The following PRDM16 variants were observed in gnomAD, a reference collection of about 807,000 sequenced individuals.
PRDM16 encodes the protein PR/SET domain 16.
Under a neutral mutation model 110.6 loss-of-function variants are expected in PRDM16, and 23 were observed. The ratio of observed to expected loss-of-function variants is 0.21; its 90% CI spans 0.15 to 0.29. The LOEUF is 0.29. PRDM16 is among the 10% of genes least tolerant of loss of function. PRDM16 has a pLI of 1.00. For synonymous variants in PRDM16, 799 were observed against 781.8 expected (o/e 1.02, Z -0.37); for missense variants, 1,615 against 1,794.3 (o/e 0.90, Z 1.81).
rs1569917298 is a variant in PRDM16, at chr1:3,246,201, C to T, written c.438+2064C>T. On this transcript the variant is annotated intron_variant, in intron 3 of 16. Transcript: ENST00000270722. This position sits in a 1 kb window ranked among gnomAD's most constrained non-coding sequence, Gnocchi z 5.2. ...TGCCTTTGTGTCTTATATGTGTGGCCATTAGGTCTCGCTCAGTGTGGCCCA... is the reference window on the plus strand; with the variant it reads ...TGCCTTTGTGTCTTATATGTGTGGCTATTAGGTCTCGCTCAGTGTGGCCCA... Among the ~76,000 whole-genome samples the T allele has an allele frequency of 6.6e-6, 1 of 152,296 alleles. No individual in the cohort carries two copies. The highest frequency in any genetic ancestry group is 1.9e-4 in the East Asian group (1 of 5,168).
intron 1 of PRDM16, among the ~76,000 whole-genome samples, chr1:3,184,815 C>A (rs1044128680): frequency 2.0e-5 from 3 of 152,204 alleles, no homozygotes; most frequent in African/African-American, 7.2e-5. Flanking sequence ...TGACCCTCTG[C>A]ATCAGCTTCC....
At chr1:3,329,619 C>T (rs934421215) in intron 3 of PRDM16, among the ~76,000 whole-genome samples, 1 of 152,244 alleles carries the variant, frequency 6.6e-6, no homozygotes, top group Admixed American at 6.5e-5. Flanking sequence ...AAGGAGCTGG[C>T]CCCACAGGTG....
At position 3,265,620 on chromosome 1, in the gene PRDM16, C is replaced by G. The variant is rs1183164072; in HGVS notation, c.438+21483C>G. 6.6e-6 allele frequency among the ~76,000 whole-genome samples: 1 copy of G among 152,068 alleles called. No homozygotes were observed. The highest frequency in any genetic ancestry group is 1.5e-5 in the Non-Finnish European group (1 of 67,982). On this transcript the variant is annotated intron_variant, in intron 3 of 16. Coordinates refer to ENST00000270722, the MANE Select transcript of PRDM16 (RefSeq NM_022114.4). This position sits in a 1 kb window ranked among gnomAD's most constrained non-coding sequence, Gnocchi z 4.5. ...GGAGAAGCAGACCGCAGAGGCCCCT[C>G]TTGGGTCTGGGAGCTCCTAAAATTG...
At chr1:3,298,074 G>A (rs759458850) in intron 3 of PRDM16, among the ~76,000 whole-genome samples, 7 of 152,160 alleles carry the variant, frequency 4.6e-5, no homozygotes, top group African/African-American at 1.4e-4. Flanking sequence ...GCACCAGGGC[G>A]ATGGAAGTTC....
intron 1 of PRDM16, among the ~76,000 whole-genome samples, chr1:3,161,840 G>A (rs1191911426): frequency 6.6e-6 from 1 of 152,256 alleles, no homozygotes; most frequent in Non-Finnish European, 1.5e-5. Context: ...TCTCCATGAG[G>A]ATTTGGACCA....
At chr1:3,259,264 C>T (rs1048475304) in intron 3 of PRDM16, among the ~76,000 whole-genome samples, 1 of 152,178 alleles carries the variant, frequency 6.6e-6, no homozygotes, top group Non-Finnish European at 1.5e-5. Context: ...GCAGAAGATC[C>T]CAGGGATTCC....
At position 3,412,220 on chromosome 1, in the gene PRDM16, T is replaced by C. The variant is rs1419308750; in HGVS notation, c.2023T>C (p.Phe675Leu). ...VPVFYSQHSF[F>L]PPPDEQLLTA... ...TGTCTTCTATTCCCAGCACTCATTC[T>C]TCCCGCCACCCGACGAGCAGCTGCT... The change falls in exon 9 of 17, where the codon TTC becomes CTC. Residue 675 changes from phenylalanine to leucine, a missense_variant. Around this residue, in one of 5 missense-constraint regions of PRDM16, gnomAD observed 772 missense variants for 748.3 expected, o/e 1.03. Coordinates refer to ENST00000270722, the MANE Select transcript of PRDM16 (RefSeq NM_022114.4). 4 of 1,607,786 alleles carry C rather than the reference T, an allele frequency of 2.5e-6. No individual in the cohort carries two copies. The highest frequency in any genetic ancestry group is 3.4e-6 in the Non-Finnish European group (4 of 1,175,716).
rs1640953784 is a variant in PRDM16, at chr1:3,290,712, G to T, written c.438+46575G>T. Among the ~76,000 whole-genome samples, 1 of 152,146 alleles carries T rather than the reference G, an allele frequency of 6.6e-6. No homozygotes were observed. The highest frequency in any genetic ancestry group is 1.5e-5 in the Non-Finnish European group (1 of 68,032). ...AAACAACAGGGCTCCAGGGGGACGT[G>T]CAGGGAGTGGAAGAAACTCAAGCCG... On this transcript the variant is annotated intron_variant, in intron 3 of 16. Coordinates refer to ENST00000270722, the MANE Select transcript of PRDM16 (RefSeq NM_022114.4). The surrounding 1 kb of genome is among the most constrained non-coding windows in gnomAD (Gnocchi z 4.8).
At chr1:3,191,386 T>G (rs1171537049) in intron 2 of PRDM16, among the ~76,000 whole-genome samples, 1 of 152,176 alleles carries the variant, frequency 6.6e-6, no homozygotes, top group African/African-American at 2.4e-5. Context: ...ACTGCCATCA[T>G]GGGACCCCCA....
chr1:3,263,085 G>A (rs1032970880), intron 3 of PRDM16, among the ~76,000 whole-genome samples: 2 of 152,118 alleles, frequency 1.3e-5, no homozygotes, highest in African/African-American at 4.8e-5. Context: ...GGCTCAGTGT[G>A]TACCCCAGGG....
intron 3 of PRDM16, among the ~76,000 whole-genome samples, chr1:3,326,392 A>G (rs1040343416): frequency 6.6e-6 from 1 of 152,184 alleles, no homozygotes; most frequent in Non-Finnish European, 1.5e-5. Context: ...AGAAAAGATC[A>G]CCTTTTAGGT....
At chr1:3,345,529 T>C (rs1196417261) in intron 3 of PRDM16, among the ~76,000 whole-genome samples, 1 of 152,114 alleles carries the variant, frequency 6.6e-6, no homozygotes, top group African/African-American at 2.4e-5. Flanking sequence ...AATAATGAGG[T>C]TCAAACTGGC....
At chr1:3,364,039 A>C (rs928205634) in intron 3 of PRDM16, among the ~76,000 whole-genome samples, 4 of 151,812 alleles carry the variant, frequency 2.6e-5, no homozygotes, top group Non-Finnish European at 4.4e-5. Flanking sequence ...GCGGGGGGGA[A>C]GTTCACATGC....
chr1:3,361,634 A>G (rs1642715356), intron 3 of PRDM16, among the ~76,000 whole-genome samples: 1 of 152,190 alleles, frequency 6.6e-6, no homozygotes, highest in Non-Finnish European at 1.5e-5. Flanking sequence ...GGGAATCGGA[A>G]GGATGGTGTT....
intron 3 of PRDM16, among the ~76,000 whole-genome samples, chr1:3,366,619 G>C (rs1174160282): frequency 1.3e-5 from 2 of 152,140 alleles, no homozygotes; most frequent in Non-Finnish European, 2.9e-5. Context: ...CAGCCCTGAG[G>C]ACTAAAAAAG....
At chr1:3,379,142 C>A (rs1179555962) in intron 3 of PRDM16, among the ~76,000 whole-genome samples, 1 of 73,834 alleles carries the variant, frequency 1.4e-5, no homozygotes, top group Non-Finnish European at 3.1e-5. Context: ...ACACACCCCT[C>A]CCAGCACACC....
chr1:3,434,014 A>G lies in PRDM16; in HGVS notation c.*203A>G. 1.7e-6 allele frequency: 1 copy of G among 584,438 alleles called. No individual in the cohort carries two copies. The highest frequency in any genetic ancestry group is 3.0e-5 in the East Asian group (1 of 33,616). The allele number at this position is 584,438 out of a possible 1,614,324, so 36.2% of individuals were successfully genotyped here. A position where few individuals can be genotyped will look rare whatever the true frequency, so the allele number is the denominator to read the frequency against. On this transcript the variant is annotated 3_prime_UTR_variant, in exon 17 of 17. Coordinates refer to ENST00000270722, the MANE Select transcript of PRDM16 (RefSeq NM_022114.4). ...GCAGTCGTAGAGTCTCACCATCTCC[A>G]AGGATTGGTCTTGAGAACACTGTTC...
chr1:3,110,669 G>C (rs1642771499), intron 1 of PRDM16, among the ~76,000 whole-genome samples: 1 of 152,256 alleles, frequency 6.6e-6, no homozygotes, highest in Non-Finnish European at 1.5e-5. Context: ...TATCTAAAGA[G>C]AGAATGTATT....
rs75924105 is a variant in PRDM16 at position 3,080,958 on chromosome 1, C to T, written c.37+11662C>T. Among the ~76,000 whole-genome samples, 22 of 149,412 alleles carry T rather than the reference C, an allele frequency of 1.5e-4. No individual in the cohort carries two copies. Among genetic ancestry groups the T allele is most frequent in the Admixed American group, 4.0e-4 (6 of 14,974 alleles). The stretch of plus-strand genomic sequence containing the variant: ...TGTGTGTGTAGAGGGGGTGGCGGGG[C>T]GGGGGGGGTCTGCACATTCCGCCGA... On this transcript the variant is annotated intron_variant, in intron 1 of 16. Coordinates refer to ENST00000270722, the MANE Select transcript of PRDM16 (RefSeq NM_022114.4). The surrounding 1 kb of genome is among the most constrained non-coding windows in gnomAD (Gnocchi z 5.2).
Sources: gnomAD v4.1 joint callset for allele counts (sites outside exome capture counted in the v4.1 genomes callset) on GRCh38, gnomAD v4.1.1 for gene constraint, gnomAD v4.1.1 regional missense constraint, Gnocchi (gnomAD v3.1) non-coding constraint, MANE v1.5 for transcripts, NCBI Gene and HGNC (gene_info 2026-07-23, HGNC 2026-07-21) for gene names.